The following NUP155 variants were observed in gnomAD, a reference collection of about 807,000 sequenced individuals.
NUP155 encodes nucleoporin 155.
NUP155 carries 71 observed loss-of-function variants against 180.4 expected under a neutral mutation model. The ratio of observed to expected loss-of-function variants is 0.39; its 90% CI spans 0.33 to 0.48. The LOEUF (loss-of-function observed/expected upper bound fraction) is 0.48. NUP155 is among the 20% of genes least tolerant of loss of function. The pLI is 0.91. For synonymous variants in NUP155, 582 were observed against 559.5 expected (o/e 1.04, Z -0.57); for missense variants, 1,553 against 1,648.9 (o/e 0.94, Z 1.01).
intron 11 of NUP155, among the ~76,000 whole-genome samples, chr5:37,339,307 C>CAAAAA (rs1283751834): frequency 1.6e-5 from 1 of 63,274 alleles, no homozygotes; most frequent in African/African-American, 4.7e-5. Flanking sequence ...GACACTGTCT[C>CAAAAA]AAAAAAAAAA....
At position 37,337,938 on chromosome 5, in the gene NUP155, A is replaced by T; in HGVS notation, c.1247-20T>A. ...GAATACCTAAAAGTTTAATATACAAAATATTATTACATCATGTCAAATATG... is the reference window on the plus strand; with the variant it reads ...GAATACCTAAAAGTTTAATATACAATATATTATTACATCATGTCAAATATG... On this transcript the variant is annotated intron_variant, in intron 11 of 34. Coordinates refer to ENST00000231498, the MANE Select transcript of NUP155 (RefSeq NM_153485.3). 7.4e-7 allele frequency: 1 copy of T among 1,354,650 alleles called. No individual in the cohort carries two copies. The highest frequency in any genetic ancestry group is 1.1e-6 in the Non-Finnish European group (1 of 946,394). 83.9% of individuals were successfully genotyped at this position (1,354,650 alleles called of 1,614,324 possible).
chr5:37,309,267 CCTA>C lies in NUP155; in HGVS notation c.2629-3_2629-1del. 1 of 1,598,164 alleles carries C rather than the reference CCTA, an allele frequency of 6.3e-7. No individual in the cohort carries two copies. Among genetic ancestry groups the C allele is most frequent in the Non-Finnish European group, 8.5e-7 (1 of 1,171,766 alleles). ...CGGGAACGCTGGAGAAGCTCATTTG[CCTA>C]GAAGAGGAGATAACAAGAACTTAAA... On this transcript the variant is annotated splice_acceptor_variant and splice_polypyrimidine_tract_variant and intron_variant, in intron 23 of 34. Transcript: ENST00000231498. LOFTEE classifies it high-confidence loss of function.
chr5:37,305,939 T>C (rs926531088), intron 25 of NUP155, among the ~76,000 whole-genome samples: 3 of 151,976 alleles, frequency 2.0e-5, no homozygotes, highest in Admixed American at 6.6e-5. Context: ...GCCATTGATT[T>C]ACCTTACCTA....
At chr5:37,317,007 C>CAA (rs1263259747) in intron 21 of NUP155, among the ~76,000 whole-genome samples, 11 of 133,786 alleles carry the variant, frequency 8.2e-5, no homozygotes, top group African/African-American at 2.7e-4. Flanking sequence ...ACTAAAAATA[C>CAA]AAAAAAAAAA....
chr5:37,347,292 A>C (rs1351971960), intron 9 of NUP155, among the ~76,000 whole-genome samples: 1 of 151,614 alleles, frequency 6.6e-6, no homozygotes, highest in Non-Finnish European at 1.5e-5. Flanking sequence ...TGAGACATGC[A>C]GTTTCCTAGT....
chr5:37,303,069 C>T (rs576672296), intron 28 of NUP155, among the ~76,000 whole-genome samples, 161 bp from the exon 29 acceptor site: 2 of 151,992 alleles, frequency 1.3e-5, no homozygotes, highest in East Asian at 3.9e-4. Context: ...TTTTAGATTT[C>T]TCATAAGAGA....
At chr5:37,328,545 C>A in intron 16 of NUP155, 125 bp from the exon 17 acceptor site, 1 of 707,364 alleles carries the variant, frequency 1.4e-6, no homozygotes, top group South Asian at 1.5e-5. Flanking sequence ...TTTCTGTGGC[C>A]CAGGCTGGAG....
At chr5:37,309,528 G>A (rs1012436148) in intron 23 of NUP155, 22 of 420,632 alleles carry the variant, frequency 5.2e-5, no homozygotes, top group African/African-American at 3.8e-4. Context: ...TACATTATTG[G>A]GCAGCAGGCA....
At position 37,305,191 on chromosome 5, in the gene NUP155, T is replaced by G; in HGVS notation, c.2923A>C (p.Ile975Leu). Reference sequence around the variant, plus strand: ...ACCAGTTCTTGAAGTGTGTCTGTAATGCATTTGTAACTGTTTAATCTGAAA... The same window carrying G: ...ACCAGTTCTTGAAGTGTGTCTGTAAGGCATTTGTAACTGTTTAATCTGAAA... ...FQERLNSYKC[I>L]TDTLQELVNQ... Residue 975 changes from isoleucine (I) to leucine (L), a missense_variant, in exon 26 of 35, where the codon ATT (isoleucine) becomes CTT (leucine). Coordinates refer to ENST00000231498, the MANE Select transcript of NUP155 (RefSeq NM_153485.3). The G allele has an allele frequency of 6.2e-7, 1 of 1,613,078 alleles. No homozygotes were observed. Among genetic ancestry groups the G allele is most frequent in the East Asian group, 2.2e-5 (1 of 44,876 alleles).
rs1746427457 is a variant in NUP155 at position 37,351,102 on chromosome 5, C to T, written c.723+88G>A. The T allele has an allele frequency of 1.1e-5, 11 of 1,021,344 alleles. No individual in the cohort carries two copies. The South Asian group carries it at 1.3e-4, about 12-fold the overall frequency. 63.3% of individuals were successfully genotyped at this position (1,021,344 alleles called of 1,614,324 possible). A position where few individuals can be genotyped will look rare whatever the true frequency, so the allele number is the denominator to read the frequency against. ...ATTTACCATAAAAATATATTAATGT[C>T]CTTATATAATTAGAAAACAAAATAA... On this transcript the variant is annotated intron_variant, in intron 6 of 34. Transcript: ENST00000231498.
At chr5:37,328,555 G>C (rs1231993364) in intron 16 of NUP155, 135 bp from the exon 17 acceptor site, 1 of 662,228 alleles carries the variant, frequency 1.5e-6, no homozygotes, top group Non-Finnish European at 2.8e-6. Flanking sequence ...CCAGGCTGGA[G>C]TGCAGTGGCA....
chr5:37,297,101 A>T (rs967915930), intron 32 of NUP155, among the ~76,000 whole-genome samples: 15 of 152,028 alleles, frequency 9.9e-5, no homozygotes, highest in South Asian at 2.1e-4. Context: ...AAAAGAAAAA[A>T]ATATATATAT....
intron 12 of NUP155, among the ~76,000 whole-genome samples, chr5:37,334,268 A>ATC (rs1043006861): frequency 9.9e-5 from 15 of 151,916 alleles, no homozygotes; most frequent in African/African-American, 3.4e-4. Context: ...ACGGCCGCCT[A>ATC]ATTTTTCTAT....
rs1222763391 is a variant in NUP155, at chr5:37,288,917, A to T, written c.*2983T>A. Reference sequence around the variant, plus strand: ...CATCTCTACTAAAAATACAAAAAAAAAAAATTAGCCAGGCATGGTGGCGCA... The same window carrying T: ...CATCTCTACTAAAAATACAAAAAAATAAAATTAGCCAGGCATGGTGGCGCA... On this transcript the variant is annotated 3_prime_UTR_variant, in exon 35 of 35. Coordinates refer to ENST00000231498, the MANE Select transcript of NUP155 (RefSeq NM_153485.3). 1 of 152,104 alleles carries T rather than the reference A, an allele frequency of 6.6e-6. No homozygotes were observed. Among genetic ancestry groups the T allele is most frequent in the East Asian group, 1.9e-4 (1 of 5,188 alleles). The allele number at this position is 152,104 out of a possible 1,614,324, so 9.4% of individuals were successfully genotyped here.
At chr5:37,292,073 T>C (rs764865760) in intron 34 of NUP155, 35 bp from the exon 35 acceptor site, 1 of 1,609,232 alleles carries the variant, frequency 6.2e-7, no homozygotes, top group East Asian at 2.2e-5. Flanking sequence ...AATTATACAT[T>C]TACAAACATT....
chr5:37,351,193 G>A lies in NUP155; in HGVS notation c.720C>T (p.Tyr240=). Reference sequence around the variant, plus strand: ...CGTTTACAAATGTCAGACTTACCTGGTAGGCTACTTCATATAAACAGCCAT... The same window carrying A: ...CGTTTACAAATGTCAGACTTACCTGATAGGCTACTTCATATAAACAGCCAT... The part of the protein sequence containing the change: ...GKDGCLYEVA[Y]QAEAGWFSQR... The change falls in exon 6 of 35, where the codon TAC becomes TAT. Residue 240 remains tyrosine (Y), a synonymous_variant. Coordinates refer to ENST00000231498, the MANE Select transcript of NUP155 (RefSeq NM_153485.3). The A allele has an allele frequency of 1.9e-6, 3 of 1,613,470 alleles. No homozygotes were observed. Among genetic ancestry groups the A allele is most frequent in the East Asian group, 2.2e-5 (1 of 44,794 alleles).
intron 27 of NUP155, among the ~76,000 whole-genome samples, chr5:37,304,260 AAAAAAAAAAAAAAG>A (rs1245828540): frequency 6.7e-6 from 1 of 148,956 alleles, no homozygotes; most frequent in Non-Finnish European, 1.5e-5. Flanking sequence ...AAAAAAAAAA[AAAAAAAAAAAAAAG>A]GGAAATTTAC....
intron 26 of NUP155, 25 bp downstream of exon 26, chr5:37,305,032 A>G: frequency 6.2e-7 from 1 of 1,610,142 alleles, no homozygotes; most frequent in Non-Finnish European, 8.5e-7. Flanking sequence ...GTATTCTCAG[A>G]ATGAAAATAT....
At position 37,360,310 on chromosome 5, in the gene NUP155, C is replaced by A. The variant is rs745964057; in HGVS notation, c.393-2159G>T. On this transcript the variant is annotated intron_variant, in intron 3 of 34. Coordinates refer to ENST00000231498, the MANE Select transcript of NUP155 (RefSeq NM_153485.3). ...CGTCCTGGCCAACATGGTGAAACCC[C>A]GTCTCTACTAAAATACAAAAAAAAA... Among the ~76,000 whole-genome samples, 37 of 151,800 alleles carry A rather than the reference C, an allele frequency of 2.4e-4. 1 individual carries two copies. The highest frequency in any genetic ancestry group is 4.6e-4 in the Non-Finnish European group (31 of 67,948).
Sources: allele counts gnomAD v4.1 joint callset (sites outside exome capture counted in the v4.1 genomes callset), GRCh38; gene constraint gnomAD v4.1.1; transcripts MANE v1.5; gene names NCBI Gene and HGNC (gene_info 2026-07-23, HGNC 2026-07-21).